ADK: variants seen among roughly 807,000 people sequenced by gnomAD.
ADK encodes adenosine kinase.
Under a neutral mutation model 44.7 loss-of-function variants are expected in ADK, and 24 were observed. That is an observed-to-expected ratio of 0.54 (90% confidence interval 0.39 to 0.76). The LOEUF (loss-of-function observed/expected upper bound fraction) is 0.76, where lower values mean the gene tolerates loss of function less well. ADK is among the 30% of genes least tolerant of loss of function. The probability of loss-of-function intolerance (pLI) is 0.00; values close to 1 mark genes in which losing one functional copy is unlikely to be tolerated. For missense variants in ADK, 321 were observed against 425.1 expected (o/e 0.76, Z 2.15); for synonymous variants, 128 against 142.6 (o/e 0.90, Z 0.73).
chr10:74,390,529 G>A lies in ADK; in HGVS notation c.274-3612G>A, dbSNP rs537074053. On this transcript the variant is annotated intron_variant, in intron 4 of 10. Coordinates refer to ENST00000539909, the MANE Select transcript of ADK (RefSeq NM_006721.4). The stretch of plus-strand genomic sequence containing the variant: ...GTGTTCTCTCTTTAAATAAATGTAT[G>A]TGTGTGTATTTTCCTCAGAACCATT... 3.3e-5 allele frequency among the ~76,000 whole-genome samples: 5 copies of A among 152,224 alleles called. No individual in the cohort carries two copies. The South Asian group carries it at 1.0e-3, about 32-fold the overall frequency.
At chr10:74,231,832 T>C (rs934860296) in intron 3 of ADK, among the ~76,000 whole-genome samples, 6 of 152,224 alleles carry the variant, frequency 3.9e-5, no homozygotes, top group African/African-American at 1.4e-4. Context: ...ACCTTTTCAC[T>C]GTATTGCTTT....
chr10:74,565,465 C>T (rs1250330663), intron 7 of ADK, among the ~76,000 whole-genome samples: 10 of 151,928 alleles, frequency 6.6e-5, no homozygotes, highest in Admixed American at 5.9e-4. Flanking sequence ...TGGTGGCTGA[C>T]GCCTGTAATC....
chr10:74,582,583 T>C (rs1029263483), intron 7 of ADK, among the ~76,000 whole-genome samples: 1 of 152,190 alleles, frequency 6.6e-6, no homozygotes, highest in African/African-American at 2.4e-5. Context: ...AGTTAATCAC[T>C]TTGTGAAACA....
chr10:74,694,146 C>CTTT (rs1266786094), intron 10 of ADK, among the ~76,000 whole-genome samples: 10 of 36,306 alleles, frequency 2.8e-4, no homozygotes, highest in Admixed American at 1.2e-3. Context: ...TTTTCAAACA[C>CTTT]ATTTTTTTTT....
rs188356265 is a variant in ADK, at chr10:74,304,897, T to C, written c.195-9770T>C. On this transcript the variant is annotated intron_variant, in intron 3 of 10. Transcript: ENST00000539909. ...AGTCTTTAATGCTGTGTTTTACAAA[T>C]GAGGAAACCTAATCTCGGAGAACTT... Among the ~76,000 whole-genome samples, 400 of 152,332 alleles carry C rather than the reference T, an allele frequency of 2.6e-3. 2 individuals are homozygous for C. Among genetic ancestry groups the C allele is most frequent in the Non-Finnish European group, 4.1e-3 (281 of 68,022 alleles).
At chr10:74,439,627 T>A (rs972869103) in intron 6 of ADK, among the ~76,000 whole-genome samples, 1 of 152,186 alleles carries the variant, frequency 6.6e-6, no homozygotes, top group Non-Finnish European at 1.5e-5. Flanking sequence ...TAATCTGTCT[T>A]GGCTTCCAAA....
intron 10 of ADK, among the ~76,000 whole-genome samples, chr10:74,687,610 T>C (rs768694120): frequency 4.6e-5 from 7 of 152,200 alleles, no homozygotes; most frequent in Admixed American, 1.3e-4. Context: ...CTTCTTCCCA[T>C]ATTTATAGTT....
At chr10:74,458,508 A>T (rs1263822556) in intron 6 of ADK, among the ~76,000 whole-genome samples, 2 of 151,990 alleles carry the variant, frequency 1.3e-5, no homozygotes, top group African/African-American at 2.4e-5. Context: ...TTAACTTCAG[A>T]TATCACCTAG....
chr10:74,587,517 G>A (rs1851569234), intron 7 of ADK, among the ~76,000 whole-genome samples: 1 of 152,100 alleles, frequency 6.6e-6, no homozygotes, highest in Non-Finnish European at 1.5e-5. Flanking sequence ...TTGGACCATA[G>A]GTGCATACAT....
intron 1 of ADK, among the ~76,000 whole-genome samples, chr10:74,186,850 C>G (rs1162292811): frequency 3.9e-5 from 6 of 152,156 alleles, no homozygotes; most frequent in Admixed American, 6.5e-5. Context: ...TATGTAGCAA[C>G]AAGTCTTCTA....
In ADK at chr10:74,342,779, TTGTG is replaced by T. The variant is rs757212421; in HGVS notation, c.273+28068_273+28071del. ...CATGAGCCGCTGTGCCTAGCTCAGT[TTGTG>T]TGTGTGTGTGTGTGTGTGTGTGTGT... On this transcript the variant is annotated intron_variant, in intron 4 of 10. Coordinates refer to ENST00000539909, the MANE Select transcript of ADK (RefSeq NM_006721.4). Among the ~76,000 whole-genome samples the T allele has an allele frequency of 2.9e-3, 410 of 141,412 alleles. 14 individuals are homozygous for T. The highest frequency in any genetic ancestry group is 7.4e-3 in the Middle Eastern group (2 of 272). 92.8% of individuals were successfully genotyped at this position (141,412 alleles called of 152,430 possible).
chr10:74,595,255 C>G (rs1053642776), intron 8 of ADK, among the ~76,000 whole-genome samples: 2 of 149,926 alleles, frequency 1.3e-5, no homozygotes, highest in African/African-American at 2.5e-5. Context: ...AGAACCAGAG[C>G]TCAGCTCTCT....
intron 3 of ADK, among the ~76,000 whole-genome samples, chr10:74,226,019 G>A (rs1464525373): frequency 6.6e-6 from 1 of 152,120 alleles, no homozygotes; most frequent in African/African-American, 2.4e-5. Flanking sequence ...CCATTTTAAT[G>A]TTTTAATTCA....
At chr10:74,664,106 G>C (rs1854855807) in intron 9 of ADK, among the ~76,000 whole-genome samples, 1 of 152,174 alleles carries the variant, frequency 6.6e-6, no homozygotes, top group Non-Finnish European at 1.5e-5. Context: ...CGTTGTTTAT[G>C]ATAATAGAAG....
At chr10:74,646,672 T>C (rs1854065278) in intron 9 of ADK, among the ~76,000 whole-genome samples, 1 of 152,178 alleles carries the variant, frequency 6.6e-6, no homozygotes, top group Non-Finnish European at 1.5e-5. Context: ...AATGTTAGTA[T>C]TACAGTAAGC....
rs148565599 is a variant in ADK, at chr10:74,516,298, C to T, written c.556-8958C>T. Among the ~76,000 whole-genome samples, 180 of 152,226 alleles carry T rather than the reference C, an allele frequency of 1.2e-3. 1 individual carries two copies. Among genetic ancestry groups the T allele is most frequent in the African/African-American group, 4.0e-3 (166 of 41,544 alleles). On this transcript the variant is annotated intron_variant, in intron 6 of 10. Transcript: ENST00000539909. Reference sequence around the variant, plus strand: ...TCTGATCTAGGTGGGGAAGATGGGACCACGAGTTTGAGTGCCTCTATGCTG... The same window carrying T: ...TCTGATCTAGGTGGGGAAGATGGGATCACGAGTTTGAGTGCCTCTATGCTG...
At chr10:74,499,504 C>G (rs1847815140) in intron 6 of ADK, among the ~76,000 whole-genome samples, 1 of 152,110 alleles carries the variant, frequency 6.6e-6, no homozygotes. Context: ...CTGGCTGAAG[C>G]GGTGAAACCC....
intron 4 of ADK, among the ~76,000 whole-genome samples, chr10:74,321,734 C>A (rs1042384019): frequency 6.6e-6 from 1 of 152,080 alleles, no homozygotes; most frequent in African/African-American, 2.4e-5. Context: ...AAGAGGACTG[C>A]CTAAATGCCA....
intron 7 of ADK, among the ~76,000 whole-genome samples, chr10:74,559,602 AT>A (rs1850383032): frequency 6.6e-6 from 1 of 152,202 alleles, no homozygotes; most frequent in Non-Finnish European, 1.5e-5. Context: ...CTTTTGATAC[AT>A]TTTACCAAAC....
Sources: gnomAD v4.1 joint callset for allele counts (sites outside exome capture counted in the v4.1 genomes callset) on GRCh38, gnomAD v4.1.1 for gene constraint, MANE v1.5 for transcripts, NCBI Gene and HGNC (gene_info 2026-07-23, HGNC 2026-07-21) for gene names.